CDC25A: variants seen among roughly 807,000 people sequenced by gnomAD.
CDC25A encodes cell division cycle 25A, also known as M-phase inducer phosphatase 1.
Under a neutral mutation model 64.6 loss-of-function variants are expected in CDC25A, and 17 were observed. That is an observed-to-expected ratio of 0.26 (90% CI 0.18 to 0.39). CDC25A has a LOEUF of 0.39. Among genes scored for constraint, CDC25A ranks in the 10% least tolerant of loss-of-function variants. The pLI, the probability that CDC25A is intolerant of heterozygous loss-of-function variation, is 1.00. For synonymous variants in CDC25A, 229 were observed against 238.6 expected, an observed-to-expected ratio of 0.96 and a Z score of 0.37; for missense variants, 473 against 654.8, an observed-to-expected ratio of 0.72 and a Z score of 3.03.
At chr3:48,177,577 C>T (rs1052358878) in intron 7 of CDC25A, 135 bp from the exon 8 acceptor site, 7 of 726,132 alleles carry the variant, frequency 9.6e-6, no homozygotes, top group Admixed American at 2.6e-5. Context: ...CCATCCTATA[C>T]CGTTCTGATT....
intron 3 of CDC25A, 142 bp downstream of exon 3, chr3:48,184,511 A>G: frequency 1.5e-6 from 1 of 653,756 alleles, no homozygotes; most frequent in South Asian, 1.8e-5. Context: ...CAAACTATTC[A>G]TTCTTGAGAT....
rs541319002 is a variant in CDC25A, at chr3:48,188,387, G to C, written c.-440C>G. Reference sequence around the variant, plus strand: ...CCTCTTACCCAGGCTGTCGCAGCCAGGCCGGCCTTTCGCGGTAATAGCGGC... The same window carrying C: ...CCTCTTACCCAGGCTGTCGCAGCCACGCCGGCCTTTCGCGGTAATAGCGGC... On this transcript the variant is annotated 5_prime_UTR_variant, in exon 1 of 15. Transcript: ENST00000302506. 5 of 158,444 alleles carry C rather than the reference G, an allele frequency of 3.2e-5. No individual in the cohort carries two copies. Among genetic ancestry groups the C allele is most frequent in the South Asian group, 4.1e-4 (2 of 4,894 alleles). 9.8% of individuals were successfully genotyped at this position (158,444 alleles called of 1,614,324 possible).
At chr3:48,174,606 C>A in intron 8 of CDC25A, 149 bp from the exon 9 acceptor site, 1 of 685,784 alleles carries the variant, frequency 1.5e-6, no homozygotes, top group South Asian at 2.0e-5. Flanking sequence ...GTCCTAGCAA[C>A]TCTCACAGGG....
chr3:48,183,956 C>G, intron 3 of CDC25A, 120 bp from the exon 4 acceptor site: 1 of 577,404 alleles, frequency 1.7e-6, no homozygotes, highest in Non-Finnish European at 3.1e-6. Flanking sequence ...CCATTTTAGG[C>G]AAGAGATGGG....
At chr3:48,177,279 C>G (rs1026867470) in intron 8 of CDC25A, 92 bp downstream of exon 8, 1 of 955,586 alleles carries the variant, frequency 1.0e-6, no homozygotes, top group Non-Finnish European at 1.7e-6. Context: ...TCCTATCATG[C>G]ATTTCAATCT....
rs779764397 is a variant in CDC25A at position 48,165,632 on chromosome 3, A to G, written c.1191+4T>C. 6.2e-7 allele frequency: 1 copy of G among 1,602,342 alleles called. No homozygotes were observed. The highest frequency in any genetic ancestry group is 1.7e-5 in the Admixed American group (1 of 59,990). On this transcript the variant is annotated splice_donor_region_variant and intron_variant, in intron 12 of 14. Transcript: ENST00000302506. ...CTTCTACAGCAAGTCTCAGGAATCC[A>G]TACCTTGATGTGGCCTCCCTCGTAT... is the stretch of plus-strand genomic sequence containing the variant.
chr3:48,166,907 C>T (rs1314645098), intron 10 of CDC25A, among the ~76,000 whole-genome samples: 1 of 152,136 alleles, frequency 6.6e-6, no homozygotes. Context: ...ATAGTAAGAC[C>T]ACATCTCTCC....
At chr3:48,165,590 G>T in intron 12 of CDC25A, 46 bp downstream of exon 12, 2 of 1,351,338 alleles carry the variant, frequency 1.5e-6, no homozygotes, top group Non-Finnish European at 2.1e-6. Context: ...TAAAACCACA[G>T]ATCCTGTTTA....
At chr3:48,159,536 G>A in intron 13 of CDC25A, 81 bp from the exon 14 acceptor site, 1 of 892,780 alleles carries the variant, frequency 1.1e-6, no homozygotes, top group Non-Finnish European at 1.9e-6. Flanking sequence ...CAGCAGTTGT[G>A]GTCTAAGTCC....
chr3:48,158,778 C>A lies in CDC25A; in HGVS notation c.*167G>T, dbSNP rs1425942371. ...GAAGAGGCGTAGCCAGCAAGATGCC[C>A]TGGGCTCCAACCTTGGGAGTGTGGG... On this transcript the variant is annotated 3_prime_UTR_variant, in exon 15 of 15. Coordinates refer to ENST00000302506, the MANE Select transcript of CDC25A (RefSeq NM_001789.3). 1 of 779,640 alleles carries A rather than the reference C, an allele frequency of 1.3e-6. No homozygotes were observed. Among genetic ancestry groups the A allele is most frequent in the Non-Finnish European group, 2.1e-6 (1 of 481,108 alleles). 48.3% of individuals were successfully genotyped at this position (779,640 alleles called of 1,614,324 possible). A position where few individuals can be genotyped will look rare whatever the true frequency, so the allele number is the denominator to read the frequency against.
intron 12 of CDC25A, 124 bp from the exon 13 acceptor site, chr3:48,164,561 G>T: frequency 1.1e-6 from 1 of 941,462 alleles, no homozygotes; most frequent in Non-Finnish European, 1.5e-6. Context: ...GATTTTTGCA[G>T]TTCTTCTAGC....
intron 13 of CDC25A, 116 bp from the exon 14 acceptor site, chr3:48,159,571 G>T (rs2031663151): frequency 1.5e-6 from 1 of 678,860 alleles, no homozygotes; most frequent in Admixed American, 2.3e-5. Flanking sequence ...TTCCCAACTT[G>T]ACATTTATTC....
chr3:48,181,172 A>C (rs1200592115), intron 5 of CDC25A, among the ~76,000 whole-genome samples: 1 of 152,208 alleles, frequency 6.6e-6, no homozygotes, highest in Non-Finnish European at 1.5e-5. Context: ...AATAGTTGTC[A>C]AAATTTTCCA....
At chr3:48,180,949 A>G (rs771698687) in intron 5 of CDC25A, 109 bp from the exon 6 acceptor site, 8 of 1,021,540 alleles carry the variant, frequency 7.8e-6, no homozygotes, top group African/African-American at 3.2e-5. Flanking sequence ...CCTCCAAATT[A>G]AAGTTTCACC....
Position 48,188,012 on chromosome 3 carries a change from C to T in CDC25A, c.-65G>A. 7.9e-7 allele frequency: 1 copy of T among 1,264,292 alleles called. No homozygotes were observed. Among genetic ancestry groups the T allele is most frequent in the Non-Finnish European group, 1.0e-6 (1 of 993,846 alleles). The allele number at this position is 1,264,292 out of a possible 1,614,324, so 78.3% of individuals were successfully genotyped here. The stretch of plus-strand genomic sequence containing the variant: ...TCTGCCTCCGCCGCGACCGCCCCGC[C>T]CCGCCGACACCGGCCTCGGCCGCGC... On this transcript the variant is annotated 5_prime_UTR_variant, in exon 1 of 15. Transcript: ENST00000302506.
rs778364050 is a variant in CDC25A, at chr3:48,180,783, G to C, written c.487C>G (p.His163Asp). Residue 163 changes from histidine to aspartate, a missense_variant, in exon 6 of 15, where the codon CAT (histidine) becomes GAT (aspartate). Around this residue, in one of 2 missense-constraint regions of CDC25A, gnomAD observed 376 missense variants for 431.9 expected, o/e 0.87. Transcript: ENST00000302506. The stretch of plus-strand genomic sequence containing the variant: ...AGATCTTTACCCTCCTGGAGTCCAT[G>C]AGAGTGCAGGCAGCCACGAGATACA... ...RPVSRGCLHS[H>D]GLQEGKDLFT... 6.2e-7 allele frequency: 1 copy of C among 1,613,806 alleles called. No homozygotes were observed. The highest frequency in any genetic ancestry group is 1.3e-5 in the African/African-American group (1 of 74,924).
chr3:48,169,889 G>A (rs1319289442), intron 9 of CDC25A, among the ~76,000 whole-genome samples: 6 of 151,864 alleles, frequency 4.0e-5, no homozygotes, highest in Non-Finnish European at 5.9e-5. Context: ...GGCGCCTGTA[G>A]TCCCAGCTAC....
At chr3:48,173,451 CACA>C (rs1463585143) in intron 9 of CDC25A, among the ~76,000 whole-genome samples, 4 of 152,184 alleles carry the variant, frequency 2.6e-5, no homozygotes, top group Non-Finnish European at 4.4e-5. Context: ...GAGACAGCAA[CACA>C]ACAAGCCCCA....
intron 2 of CDC25A, 42 bp downstream of exon 2, chr3:48,186,661 G>A (rs752685747): frequency 7.8e-7 from 1 of 1,287,782 alleles, no homozygotes; most frequent in Non-Finnish European, 1.1e-6. Flanking sequence ...GCATGTTTCA[G>A]GAAATTCAGA....
Sources: allele counts gnomAD v4.1 joint callset (sites outside exome capture counted in the v4.1 genomes callset), GRCh38; gene constraint gnomAD v4.1.1; regional missense constraint gnomAD v4.1.1; transcripts MANE v1.5; gene names NCBI Gene and HGNC (gene_info 2026-07-23, HGNC 2026-07-21).